EPHA3: variants seen among roughly 807,000 people sequenced by gnomAD.
The protein encoded by EPHA3 is EPH receptor A3, also known as ephrin type-A receptor 3.
EPHA3 carries 42 observed loss-of-function variants against 107.1 expected under a neutral mutation model. The ratio of observed to expected loss-of-function variants is 0.39; its 90% CI spans 0.31 to 0.51. EPHA3 has a LOEUF of 0.51. EPHA3 is among the 20% of genes least tolerant of loss of function. The probability of loss-of-function intolerance (pLI) is 0.78; values close to 1 mark genes in which losing one functional copy is unlikely to be tolerated. For synonymous variants in EPHA3, 461 were observed against 424.8 expected, an observed-to-expected ratio of 1.09 and a Z score of -1.05; for missense variants, 1,183 against 1,211.2, an observed-to-expected ratio of 0.98 and a Z score of 0.35.
chr3:89,433,524 C>T (rs999718427), intron 13 of EPHA3, among the ~76,000 whole-genome samples: 6 of 152,100 alleles, frequency 3.9e-5, no homozygotes, highest in Admixed American at 3.3e-4. Flanking sequence ...CTCCCAATGG[C>T]TTTTAATAAT....
intron 3 of EPHA3, among the ~76,000 whole-genome samples, chr3:89,222,490 A>G (rs1180866489): frequency 6.7e-6 from 1 of 148,598 alleles, no homozygotes; most frequent in Non-Finnish European, 1.5e-5. Context: ...GCAAAATAAT[A>G]TATGTATTAT....
chr3:89,452,274 A>G (rs1226350081), intron 15 of EPHA3, among the ~76,000 whole-genome samples: 1 of 151,732 alleles, frequency 6.6e-6, no homozygotes, highest in Non-Finnish European at 1.5e-5. Context: ...TTTTTGTGGA[A>G]CCTCCATACA....
intron 13 of EPHA3, among the ~76,000 whole-genome samples, chr3:89,440,064 A>G (rs1161296505): frequency 2.0e-5 from 3 of 152,036 alleles, no homozygotes; most frequent in African/African-American, 7.2e-5. Context: ...GGCAATCAAC[A>G]TTTGCTGAAA....
Position 89,209,842 on chromosome 3 carries a change from T to C in EPHA3, c.154-18T>C. 1 of 1,563,926 alleles carries C rather than the reference T, an allele frequency of 6.4e-7. No individual in the cohort carries two copies. Among genetic ancestry groups the C allele is most frequent in the East Asian group, 2.3e-5 (1 of 44,434 alleles). On this transcript the variant is annotated intron_variant, in intron 2 of 16. Coordinates refer to ENST00000336596, the MANE Select transcript of EPHA3 (RefSeq NM_005233.6). ...TCATTAATTCTGCCTCACTCTCTGT[T>C]TCTCTTTGATTCTTCAGTGGGAAGA...
At chr3:89,415,454 A>C (rs1416950852) in intron 10 of EPHA3, among the ~76,000 whole-genome samples, 1 of 141,110 alleles carries the variant, frequency 7.1e-6, no homozygotes, top group Non-Finnish European at 1.5e-5. Context: ...GAGTCAATTA[A>C]ATTTACAGAA....
At chr3:89,472,964 A>G (rs1193060191) in intron 16 of EPHA3, among the ~76,000 whole-genome samples, 1 of 152,106 alleles carries the variant, frequency 6.6e-6, no homozygotes, top group Non-Finnish European at 1.5e-5. Flanking sequence ...TGATTATTAT[A>G]TTTCTGCATT....
chr3:89,148,187 T>A (rs145786111), intron 2 of EPHA3, among the ~76,000 whole-genome samples: 1 of 152,060 alleles, frequency 6.6e-6, no homozygotes, highest in Non-Finnish European at 1.5e-5. Context: ...GTTTTTAAAA[T>A]GTATTATTGG....
intron 3 of EPHA3, among the ~76,000 whole-genome samples, chr3:89,245,761 A>G (rs1392644139): frequency 6.6e-6 from 1 of 152,186 alleles, no homozygotes; most frequent in Non-Finnish European, 1.5e-5. Flanking sequence ...GCTGGCATCT[A>G]CTGTTATCAG....
chr3:89,413,697 T>A (rs1449807469), intron 10 of EPHA3, among the ~76,000 whole-genome samples: 2 of 151,792 alleles, frequency 1.3e-5, no homozygotes, highest in East Asian at 3.9e-4. Context: ...TTACATAAAT[T>A]TTATCACAAC....
intron 13 of EPHA3, among the ~76,000 whole-genome samples, chr3:89,439,230 C>T (rs1709733788): frequency 6.6e-6 from 1 of 152,124 alleles, no homozygotes; most frequent in Non-Finnish European, 1.5e-5. Context: ...CCAAGAGGCC[C>T]ACCTTGCAGG....
intron 2 of EPHA3, among the ~76,000 whole-genome samples, chr3:89,173,901 ATAAAG>A (rs1231060583): frequency 1.3e-5 from 2 of 152,084 alleles, no homozygotes; most frequent in African/African-American, 4.8e-5. Context: ...TCTATAAAAA[ATAAAG>A]TAAATTAAAA....
Position 89,313,405 on chromosome 3 carries a change from G to A in EPHA3, c.815-27511G>A, listed in dbSNP as rs149278998. Among the ~76,000 whole-genome samples the A allele has an allele frequency of 2.8e-4, 42 of 151,858 alleles. 1 individual carries two copies. Among genetic ancestry groups the A allele is most frequent in the African/African-American group, 8.2e-4 (34 of 41,474 alleles). On this transcript the variant is annotated intron_variant, in intron 3 of 16. Coordinates refer to ENST00000336596, the MANE Select transcript of EPHA3 (RefSeq NM_005233.6). ...TTTCTGCTTCTCTCAATGATGTTTCGTTCTTCTGTTTTTCCTTTAATCTTT... is the reference window on the plus strand; with the variant it reads ...TTTCTGCTTCTCTCAATGATGTTTCATTCTTCTGTTTTTCCTTTAATCTTT...
chr3:89,437,471 A>C (rs952609025), intron 13 of EPHA3, among the ~76,000 whole-genome samples: 2 of 151,838 alleles, frequency 1.3e-5, no homozygotes, highest in Non-Finnish European at 2.9e-5. Context: ...GTTTCTCATC[A>C]TGTGACTTTG....
At chr3:89,363,536 T>G (rs1708135842) in intron 5 of EPHA3, among the ~76,000 whole-genome samples, 1 of 150,870 alleles carries the variant, frequency 6.6e-6, no homozygotes, top group Non-Finnish European at 1.5e-5. Context: ...TCTGCTTTAC[T>G]CAAAAGTGTG....
At chr3:89,160,355 GAAA>G (rs1407820954) in intron 2 of EPHA3, among the ~76,000 whole-genome samples, 1 of 152,054 alleles carries the variant, frequency 6.6e-6, no homozygotes, top group Non-Finnish European at 1.5e-5. Flanking sequence ...GTTTCTTACA[GAAA>G]ATGATGGTAA....
chr3:89,261,959 C>A (rs1705427924), intron 3 of EPHA3, among the ~76,000 whole-genome samples: 1 of 151,752 alleles, frequency 6.6e-6, no homozygotes, highest in Non-Finnish European at 1.5e-5. Flanking sequence ...TATTTTATAG[C>A]ATTATTAGTA....
chr3:89,480,673 T>C lies in EPHA3; in HGVS notation c.*1171T>C, dbSNP rs1280070228. ...GCTTTGAAAAGTCACTTACTATTGT[T>C]GCTGAAACTTGCTGAGCTGTTTATA... On this transcript the variant is annotated 3_prime_UTR_variant, in exon 17 of 17. Transcript: ENST00000336596. 8.6e-6 allele frequency: 2 copies of C among 232,690 alleles called. No homozygotes were observed. Among genetic ancestry groups the C allele is most frequent in the Non-Finnish European group, 1.7e-5 (2 of 117,514 alleles). 14.4% of individuals were successfully genotyped at this position (232,690 alleles called of 1,614,324 possible).
intron 3 of EPHA3, among the ~76,000 whole-genome samples, chr3:89,259,278 G>T (rs1236688384): frequency 2.0e-5 from 3 of 152,096 alleles, no homozygotes; most frequent in Non-Finnish European, 4.4e-5. Flanking sequence ...CATCCTTGGG[G>T]CTCTGTGTTC....
chr3:89,347,128 A>T (rs1487931351), intron 5 of EPHA3, among the ~76,000 whole-genome samples: 1 of 142,046 alleles, frequency 7.0e-6, no homozygotes. Context: ...TATGAACTTT[A>T]AAGTAGTTTT....
Sources: gnomAD v4.1 joint callset for allele counts (sites outside exome capture counted in the v4.1 genomes callset) on GRCh38, gnomAD v4.1.1 for gene constraint, MANE v1.5 for transcripts, NCBI Gene and HGNC (gene_info 2026-07-23, HGNC 2026-07-21) for gene names.